The following TMEM177 variants were observed in gnomAD, a reference collection of about 807,000 sequenced individuals.
The protein encoded by TMEM177 is transmembrane protein 177.
A neutral mutation model predicts 14.2 loss-of-function variants in TMEM177; 4 were observed. The ratio of observed to expected loss-of-function variants is 0.28; its 90% CI spans 0.14 to 0.64. The LOEUF (loss-of-function observed/expected upper bound fraction) is 0.64. Ranked by LOEUF, TMEM177 falls within the 30% of genes least tolerant of loss-of-function variation. The pLI is 0.82. For missense variants in TMEM177, 344 were observed against 405.2 expected (o/e 0.85, Z 1.30); for synonymous variants, 179 against 174.5 (o/e 1.03, Z -0.20).
chr2:119,683,920 C>T (rs1373235908), downstream of TMEM177, among the ~76,000 whole-genome samples: 1 of 151,292 alleles, frequency 6.6e-6, no homozygotes, highest in Non-Finnish European at 1.5e-5. Flanking sequence ...CTCCCACCCT[C>T]CCACTGCATG....
chr2:119,698,084 C>T, the TMEM177 span, among the ~76,000 whole-genome samples: 6 of 151,992 alleles, frequency 3.9e-5, no homozygotes, highest in African/African-American at 1.5e-4. Flanking sequence ...AAGGTGAGGG[C>T]AGAACTTCAC....
the TMEM177 span, among the ~76,000 whole-genome samples, chr2:119,706,035 A>ATTT: frequency 8.7e-5 from 8 of 91,880 alleles, no homozygotes; most frequent in African/African-American, 2.2e-4. Context: ...ATATATATAT[A>ATTT]TTTTTTTGAG....
chr2:119,722,894 A>T, the TMEM177 span, among the ~76,000 whole-genome samples: 1 of 152,342 alleles, frequency 6.6e-6, no homozygotes, highest in South Asian at 2.1e-4. Context: ...AATACTAAGG[A>T]TTATGCAACT....
intron 1 of TMEM177, 61 bp downstream of exon 1, chr2:119,679,337 C>T (rs1437916522): frequency 6.6e-6 from 1 of 152,356 alleles, no homozygotes; most frequent in African/African-American, 2.4e-5. Context: ...GCGAGGACCC[C>T]TCTGCGGGGC....
At chr2:119,699,799 G>A in the TMEM177 span, 2 of 319,056 alleles carry the variant, frequency 6.3e-6, no homozygotes, top group South Asian at 2.9e-5. Flanking sequence ...ATGTTACAAT[G>A]GGGGAGTTGG....
chr2:119,715,826 G>T, the TMEM177 span, among the ~76,000 whole-genome samples: 2 of 152,226 alleles, frequency 1.3e-5, no homozygotes, highest in Non-Finnish European at 2.9e-5. Context: ...GGCTGGCAAA[G>T]CCTGTCCCTG....
chr2:119,703,075 G>A, the TMEM177 span, among the ~76,000 whole-genome samples: 3 of 152,246 alleles, frequency 2.0e-5, no homozygotes, highest in African/African-American at 7.2e-5. Flanking sequence ...GAGCCCCCGG[G>A]AGAAGGGCCG....
At chr2:119,705,982 C>A in the TMEM177 span, among the ~76,000 whole-genome samples, 1,426 of 41,014 alleles carry the variant, frequency 0.035, 18 homozygotes, top group African/African-American at 0.076. Flanking sequence ...GGCTCTCTCT[C>A]TCTATATATA....
At position 119,681,684 on chromosome 2, in the gene TMEM177, C is replaced by T. The variant is rs116470918; in HGVS notation, c.831C>T (p.Asn277=). Residue 277 remains asparagine, a synonymous_variant, in exon 2 of 2, where the codon AAC becomes AAT. Transcript: ENST00000272521. ...DGEKLYTPSG[N]IVPRHLFRIK... ...AGAAGCTGTATACACCCAGCGGGAACATCGTCCCCAGACACTTGTTCCGAA... is the reference window on the plus strand; with the variant it reads ...AGAAGCTGTATACACCCAGCGGGAATATCGTCCCCAGACACTTGTTCCGAA... 6.2e-5 allele frequency: 100 copies of T among 1,614,186 alleles called. No individual in the cohort carries two copies. In the East Asian group the frequency reaches 2.2e-3, roughly 36 times the overall value.
At chr2:119,693,639 C>CA in the TMEM177 span, among the ~76,000 whole-genome samples, 1 of 152,152 alleles carries the variant, frequency 6.6e-6, no homozygotes, top group African/African-American at 2.4e-5. Flanking sequence ...GGGAAGCCAA[C>CA]ACTGAGGCTG....
chr2:119,703,085 G>A, the TMEM177 span, among the ~76,000 whole-genome samples: 2 of 152,356 alleles, frequency 1.3e-5, no homozygotes, highest in African/African-American at 2.4e-5. Context: ...GAGAAGGGCC[G>A]GTGGAAGCCC....
In TMEM177 at chr2:119,681,061, C is replaced by T. The variant is rs763843412; in HGVS notation, c.208C>T (p.Gln70Ter). The change falls in exon 2 of 2, where the codon CAG becomes TAG. Residue 70 changes from glutamine to a stop codon, truncating the protein, a stop_gained. Transcript: ENST00000272521. LOFTEE classifies it high-confidence loss of function. The stretch of plus-strand genomic sequence containing the variant: ...GCAGAGCCTCTTCCAAGAGGTGCTA[C>T]AGGACATAGGTGTTCCTTCAGGCCA... ...QLQSLFQEVL[Q>*]DIGVPSGHCY... The T allele has an allele frequency of 6.2e-7, 1 of 1,614,264 alleles. No homozygotes were observed. The highest frequency in any genetic ancestry group is 1.1e-5 in the South Asian group (1 of 91,086).
the TMEM177 span, among the ~76,000 whole-genome samples, chr2:119,701,909 A>C: frequency 6.6e-6 from 1 of 152,200 alleles, no homozygotes; most frequent in Non-Finnish European, 1.5e-5. Flanking sequence ...ACAGCAGAAC[A>C]GGTTGAGTCA....
chr2:119,716,227 T>G, the TMEM177 span, among the ~76,000 whole-genome samples: 1 of 152,190 alleles, frequency 6.6e-6, no homozygotes, highest in Non-Finnish European at 1.5e-5. Flanking sequence ...CACTGGAGAC[T>G]AGTGTGTCCC....
downstream of TMEM177, among the ~76,000 whole-genome samples, chr2:119,691,062 T>C (rs1024811604): frequency 6.6e-6 from 1 of 152,166 alleles, no homozygotes; most frequent in Non-Finnish European, 1.5e-5. Flanking sequence ...ATGTCTTTGT[T>C]GATTTTCTGA....
At chr2:119,712,565 GCATC>G in the TMEM177 span, among the ~76,000 whole-genome samples, 1 of 152,128 alleles carries the variant, frequency 6.6e-6, no homozygotes, top group African/African-American at 2.4e-5. Flanking sequence ...CAAGAAGGGG[GCATC>G]CACAAGCCAA....
the TMEM177 span, among the ~76,000 whole-genome samples, chr2:119,723,616 A>G: frequency 1.3e-5 from 2 of 152,230 alleles, no homozygotes; most frequent in African/African-American, 4.8e-5. Flanking sequence ...ATTTAACCCC[A>G]AAGAACCTGA....
chr2:119,682,612 G>T, downstream of TMEM177, among the ~76,000 whole-genome samples: 1 of 152,144 alleles, frequency 6.6e-6, no homozygotes, highest in Non-Finnish European at 1.5e-5. Flanking sequence ...GAGGGGAGGG[G>T]AGGTGTTCCA....
At chr2:119,708,644 G>GAC in the TMEM177 span, among the ~76,000 whole-genome samples, 49,813 of 146,600 alleles carry the variant, frequency 0.34, 8,354 homozygotes, top group Middle Eastern at 0.42. Context: ...ATCACACGCA[G>GAC]ACACACACAC....
Sources: gnomAD v4.1 joint callset for allele counts (sites outside exome capture counted in the v4.1 genomes callset) on GRCh38, gnomAD v4.1.1 for gene constraint, MANE v1.5 for transcripts, NCBI Gene and HGNC (gene_info 2026-07-23, HGNC 2026-07-21) for gene names.